The following KCTD16 variants were observed in gnomAD, a reference collection of about 807,000 sequenced individuals.
The protein encoded by KCTD16 is potassium channel tetramerization domain containing 16, also known as BTB/POZ domain-containing protein KCTD16.
Under a neutral mutation model 33.2 loss-of-function variants are expected in KCTD16, and 13 were observed. The observed-to-expected ratio is 0.39, with a 90% CI of 0.25 to 0.62. KCTD16 has a LOEUF of 0.62. Among genes scored for constraint, KCTD16 ranks in the 20% least tolerant of loss-of-function variants. KCTD16 has a pLI of 0.50. For missense variants in KCTD16, 441 were observed against 525.1 expected, an observed-to-expected ratio of 0.84 and a Z score of 1.57; for synonymous variants, 197 against 195.3, an observed-to-expected ratio of 1.01 and a Z score of -0.07.
intron 3 of KCTD16, among the ~76,000 whole-genome samples, chr5:144,321,583 T>A (rs1752076022): frequency 6.6e-6 from 1 of 152,212 alleles, no homozygotes; most frequent in Non-Finnish European, 1.5e-5. Context: ...TTGACATGCA[T>A]CTTTCTGTCT....
Position 144,206,662 on chromosome 5 carries a change from C to T in KCTD16, c.-53C>T. 4.2e-6 allele frequency: 6 copies of T among 1,439,396 alleles called. No homozygotes were observed. The South Asian group carries it at 5.1e-5, about 12-fold the overall frequency. The allele number at this position is 1,439,396 out of a possible 1,614,324, so 89.2% of individuals were successfully genotyped here. On this transcript the variant is annotated 5_prime_UTR_variant, in exon 3 of 4. Coordinates refer to ENST00000512467, the MANE Select transcript of KCTD16 (RefSeq NM_020768.4). ...GTTGATCCAAAGGATAAGGCTGTGA[C>T]TCCATTGGATTGCACCTTTAAATCA... is the stretch of plus-strand genomic sequence containing the variant.
intron 3 of KCTD16, among the ~76,000 whole-genome samples, chr5:144,312,072 G>A (rs1393978657): frequency 6.6e-6 from 1 of 152,128 alleles, no homozygotes. Flanking sequence ...GAAAGGCCCT[G>A]TAGGTGCCGG....
At chr5:144,473,520 G>A (rs1047639106) in intron 3 of KCTD16, 140 bp from the exon 4 acceptor site, 5 of 819,508 alleles carry the variant, frequency 6.1e-6, no homozygotes, top group Non-Finnish European at 9.4e-6. Context: ...AGCCCACCCT[G>A]GGTGCCACCC....
intron 2 of KCTD16, chr5:144,206,114 T>A (rs1243550711): frequency 6.6e-6 from 1 of 152,660 alleles, no homozygotes; most frequent in African/African-American, 2.4e-5. Flanking sequence ...GAAAATTGCA[T>A]GTTTCTTTTT....
chr5:144,216,802 C>T (rs1580795311), intron 3 of KCTD16, among the ~76,000 whole-genome samples: 2 of 151,296 alleles, frequency 1.3e-5, no homozygotes, highest in African/African-American at 4.9e-5. Flanking sequence ...CGTCATCACG[C>T]CACTGCACCC....
At position 144,207,427 on chromosome 5, in the gene KCTD16, A is replaced by C. The variant is rs1753219485; in HGVS notation, c.713A>C (p.Asp238Ala). ...LKFKHLERAFDMLSECGFHMV... is the reference protein window; with the variant it reads ...LKFKHLERAFAMLSECGFHMV... ...TTCAAGCACCTGGAAAGGGCTTTTGATATGTTGTCAGAGTGTGGATTCCAC... is the reference window on the plus strand; with the variant it reads ...TTCAAGCACCTGGAAAGGGCTTTTGCTATGTTGTCAGAGTGTGGATTCCAC... Residue 238 changes from aspartate to alanine, a missense_variant, in exon 3 of 4, where the codon GAT becomes GCT. By Grantham distance (126) the Asp-to-Ala change is moderately radical (BLOSUM62 -2). Coordinates refer to ENST00000512467, the MANE Select transcript of KCTD16 (RefSeq NM_020768.4). 1 of 1,614,094 alleles carries C rather than the reference A, an allele frequency of 6.2e-7. No homozygotes were observed. The highest frequency in any genetic ancestry group is 8.5e-7 in the Non-Finnish European group (1 of 1,180,048).
chr5:144,207,317 A>C lies in KCTD16; in HGVS notation c.603A>C (p.Ala201=). Residue 201 remains alanine, a synonymous_variant, in exon 3 of 4, where the codon GCA becomes GCC. Coordinates refer to ENST00000512467, the MANE Select transcript of KCTD16 (RefSeq NM_020768.4). ...RILVCGRISL[A]KEVFGETLNE... The stretch of plus-strand genomic sequence containing the variant: ...TGGTTTGTGGAAGGATTTCCTTGGC[A>C]AAAGAAGTCTTTGGAGAAACTTTGA... 1 of 1,614,204 alleles carries C rather than the reference A, an allele frequency of 6.2e-7. No individual in the cohort carries two copies. The highest frequency in any genetic ancestry group is 2.2e-5 in the East Asian group (1 of 44,876).
chr5:144,344,641 A>T (rs1318035945), intron 3 of KCTD16, among the ~76,000 whole-genome samples: 1 of 151,470 alleles, frequency 6.6e-6, no homozygotes, highest in East Asian at 1.9e-4. Context: ...AATGCAAATC[A>T]AAACCACAAT....
chr5:144,393,073 A>G (rs1752486101), intron 3 of KCTD16, among the ~76,000 whole-genome samples: 1 of 152,220 alleles, frequency 6.6e-6, no homozygotes, highest in Admixed American at 6.5e-5. Flanking sequence ...CTATAACAAT[A>G]CTATGATGAA....
intron 2 of KCTD16, among the ~76,000 whole-genome samples, chr5:144,177,531 G>A (rs1752533219): frequency 6.6e-6 from 1 of 152,174 alleles, no homozygotes; most frequent in African/African-American, 2.4e-5. Context: ...CTCTTTTGCA[G>A]CTTCTGGTGC....
intron 3 of KCTD16, among the ~76,000 whole-genome samples, chr5:144,250,326 C>T (rs1235691391): frequency 6.6e-5 from 10 of 152,300 alleles, no homozygotes; most frequent in African/African-American, 2.2e-4. Context: ...CAATCATCTG[C>T]TGCTGTGTTA....
intron 3 of KCTD16, among the ~76,000 whole-genome samples, chr5:144,256,610 T>A (rs1754854887): frequency 7.1e-6 from 1 of 141,102 alleles, no homozygotes; most frequent in South Asian, 2.2e-4. Context: ...CCCAAGGAGT[T>A]TTTTTTGTTT....
intron 3 of KCTD16, among the ~76,000 whole-genome samples, chr5:144,274,908 A>T (rs1418092197): frequency 6.6e-6 from 1 of 152,202 alleles, no homozygotes; most frequent in Non-Finnish European, 1.5e-5. Context: ...CAACAAAGCC[A>T]CAGTGCTTTT....
intron 3 of KCTD16, among the ~76,000 whole-genome samples, chr5:144,265,931 A>G (rs1755130642): frequency 6.6e-6 from 1 of 152,206 alleles, no homozygotes; most frequent in African/African-American, 2.4e-5. Flanking sequence ...TTTCTCCTAT[A>G]TATGGCCTCA....
chr5:144,217,333 GA>G (rs997475973), intron 3 of KCTD16, among the ~76,000 whole-genome samples: 4 of 152,246 alleles, frequency 2.6e-5, no homozygotes, highest in Admixed American at 6.5e-5. Context: ...AACTAGGTGA[GA>G]TTTTTTTTTC....
At position 144,388,065 on chromosome 5, in the gene KCTD16, G is replaced by GTTTTTTTTTTTTTT. The variant is rs397999492; in HGVS notation, c.833-85578_833-85565dup. Among the ~76,000 whole-genome samples the GTTTTTTTTTTTTTT allele has an allele frequency of 9.5e-4, 70 of 73,664 alleles. 12 individuals carry two copies. The highest frequency in any genetic ancestry group is 4.2e-3 in the African/African-American group (68 of 16,102). 48.3% of individuals were successfully genotyped at this position (73,664 alleles called of 152,430 possible). ...AATCCAGAGTTCAATTTTAGAGCAA[G>GTTTTTTTTTTTTTT]TTTTTTTTTTTTTTTTTTTTTTTTT... On this transcript the variant is annotated intron_variant, in intron 3 of 3. Transcript: ENST00000512467.
Position 144,206,862 on chromosome 5 carries a change from C to T in KCTD16, c.148C>T (p.Leu50Phe). Residue 50 changes from leucine to phenylalanine, a missense_variant, in exon 3 of 4, where the codon CTC becomes TTC. Coordinates refer to ENST00000512467, the MANE Select transcript of KCTD16 (RefSeq NM_020768.4). ...HSTLISIPHS[L>F]LWKMFSPKRD... Reference sequence around the variant, plus strand: ...CACATTGATAAGCATCCCTCATTCCCTCCTGTGGAAAATGTTTTCCCCAAA... The same window carrying T: ...CACATTGATAAGCATCCCTCATTCCTTCCTGTGGAAAATGTTTTCCCCAAA... 6.2e-7 allele frequency: 1 copy of T among 1,614,184 alleles called. No individual in the cohort carries two copies. Among genetic ancestry groups the T allele is most frequent in the Non-Finnish European group, 8.5e-7 (1 of 1,180,032 alleles).
chr5:144,400,550 A>G (rs1752680195), intron 3 of KCTD16, among the ~76,000 whole-genome samples: 1 of 152,130 alleles, frequency 6.6e-6, no homozygotes, highest in Non-Finnish European at 1.5e-5. Flanking sequence ...AGATTATAAC[A>G]TGATATAGAA....
intron 3 of KCTD16, among the ~76,000 whole-genome samples, chr5:144,265,411 T>C (rs1027842453): frequency 6.6e-6 from 1 of 152,210 alleles, no homozygotes; most frequent in Non-Finnish European, 1.5e-5. Context: ...ATACCGTCAA[T>C]TGATTTTATA....
Sources: gnomAD v4.1 joint callset for allele counts (sites outside exome capture counted in the v4.1 genomes callset) on GRCh38, gnomAD v4.1.1 for gene constraint, MANE v1.5 for transcripts, NCBI Gene and HGNC (gene_info 2026-07-23, HGNC 2026-07-21) for gene names.